The following RYR2 variants were observed in gnomAD, a reference collection of about 807,000 sequenced individuals.
RYR2 encodes the protein cardiac muscle ryanodine receptor-calcium release channel.
RYR2 carries 227 observed loss-of-function variants against 601.1 expected under a neutral mutation model. That is an observed-to-expected ratio of 0.38 (90% CI 0.34 to 0.42). The LOEUF (loss-of-function observed/expected upper bound fraction) is 0.42. Among genes scored for constraint, RYR2 ranks in the 10% least tolerant of loss-of-function variants. The probability of loss-of-function intolerance (pLI) is 1.00; values close to 1 mark genes in which losing one functional copy is unlikely to be tolerated. For synonymous variants in RYR2, 2,223 were observed against 2,175.1 expected (o/e 1.02, Z -0.61); for missense variants, 4,646 against 6,156.5 (o/e 0.75, Z 8.21).
At chr1:237,186,902 C>T (rs1308724038) in intron 1 of RYR2, among the ~76,000 whole-genome samples, 2 of 152,226 alleles carry the variant, frequency 1.3e-5, no homozygotes, top group Non-Finnish European at 2.9e-5. Flanking sequence ...CATTGAGCAG[C>T]CTCCAGAGAG....
Position 237,820,625 on chromosome 1 carries a change from A to G in RYR2, c.14590+1433A>G, listed in dbSNP as rs1284211906. Reference sequence around the variant, plus strand: ...TTTGGGAAGGCAGCAAGCTAGCTGCACAAGTTTTTTTCATATACCAGTGGC... The same window carrying G: ...TTTGGGAAGGCAGCAAGCTAGCTGCGCAAGTTTTTTTCATATACCAGTGGC... On this transcript the variant is annotated intron_variant, in intron 101 of 104. Transcript: ENST00000366574. Among the ~76,000 whole-genome samples the G allele has an allele frequency of 2.0e-5, 3 of 152,320 alleles. No individual in the cohort carries two copies. The East Asian group carries it at 5.8e-4, about 29-fold the overall frequency.
intron 1 of RYR2, among the ~76,000 whole-genome samples, chr1:237,133,864 G>T (rs1366408056): frequency 7.1e-6 from 1 of 141,610 alleles, no homozygotes; most frequent in Non-Finnish European, 1.5e-5. Flanking sequence ...GATGGAGGTT[G>T]CAGTGAGCCG....
At chr1:237,343,885 G>A (rs1698058825) in intron 3 of RYR2, among the ~76,000 whole-genome samples, 1 of 151,072 alleles carries the variant, frequency 6.6e-6, no homozygotes, top group Non-Finnish European at 1.5e-5. Context: ...CTATGGCATG[G>A]TCTTGGCTCA....
chr1:237,626,580 C>CTTTTTTTTTTTTTTTTTTTTT lies in RYR2; in HGVS notation c.6166+787_6166+807dup, dbSNP rs60885998. 7.5e-4 allele frequency among the ~76,000 whole-genome samples: 30 copies of CTTTTTTTTTTTTTTTTTTTTT among 40,068 alleles called. 4 individuals carry two copies. Among genetic ancestry groups the CTTTTTTTTTTTTTTTTTTTTT allele is most frequent in the East Asian group, 2.1e-3 (2 of 974 alleles). The allele number at this position is 40,068 out of a possible 152,430, so 26.3% of individuals were successfully genotyped here. On this transcript the variant is annotated intron_variant, in intron 40 of 104. Transcript: ENST00000366574. ...TTCTTTTCTTTTTCTTTTTCTTTTT[C>CTTTTTTTTTTTTTTTTTTTTT]TTTTTTTTTTTTTTTTTTTTTTTTT...
At chr1:237,769,372 T>TATCA (rs1694090849) in intron 84 of RYR2, among the ~76,000 whole-genome samples, 1 of 152,206 alleles carries the variant, frequency 6.6e-6, no homozygotes. Flanking sequence ...GGAATGGACT[T>TATCA]ATCAGCCAAT....
chr1:237,321,189 A>G (rs188881821), intron 2 of RYR2, among the ~76,000 whole-genome samples: 2 of 151,576 alleles, frequency 1.3e-5, no homozygotes, highest in African/African-American at 2.4e-5. Flanking sequence ...TACTTATTTC[A>G]TGATGAGAAT....
At chr1:237,558,282 T>A (rs12067971) in intron 27 of RYR2, among the ~76,000 whole-genome samples, 27,902 of 152,190 alleles carry the variant, frequency 0.18, 2,868 homozygotes, top group Admixed American at 0.28. Flanking sequence ...TGTCTTCAGG[T>A]TGAAATAGAA....
intron 48 of RYR2, among the ~76,000 whole-genome samples, chr1:237,644,861 A>G (rs1681960397): frequency 6.6e-6 from 1 of 151,952 alleles, no homozygotes; most frequent in Non-Finnish European, 1.5e-5. Flanking sequence ...GCAAAACCCC[A>G]TCTCTACTAA....
intron 3 of RYR2, among the ~76,000 whole-genome samples, chr1:237,338,222 A>C (rs185536612): frequency 6.6e-6 from 1 of 152,302 alleles, no homozygotes; most frequent in East Asian, 1.9e-4. Flanking sequence ...TTGAAAAATG[A>C]CTGAAAAGTC....
chr1:237,250,513 C>T (rs777048995), intron 1 of RYR2, among the ~76,000 whole-genome samples: 6 of 152,172 alleles, frequency 3.9e-5, no homozygotes, highest in Non-Finnish European at 7.4e-5. Flanking sequence ...GTCTTGTCCT[C>T]GTGTCTAATC....
Position 237,660,918 on chromosome 1 carries a change from C to T in RYR2, c.8407C>T (p.Arg2803Trp), listed in dbSNP as rs754674622. The T allele has an allele frequency of 2.3e-5, 34 of 1,467,802 alleles. No homozygotes were observed. Among genetic ancestry groups the T allele is most frequent in the South Asian group, 4.6e-5 (3 of 65,186 alleles). The allele number at this position is 1,467,802 out of a possible 1,614,324, so 90.9% of individuals were successfully genotyped here. Residue 2803 changes from arginine (R) to tryptophan (W), a missense_variant, in exon 56 of 105, where the codon CGG becomes TGG. Around this residue, in one of 17 missense-constraint regions of RYR2, gnomAD observed 1,497 missense variants for 1,842.6 expected, o/e 0.81. Coordinates refer to ENST00000366574, the MANE Select transcript of RYR2 (RefSeq NM_001035.3). ...GGGAGACAGCATGGCCCTTTACAAC[C>T]GGACTCGTCGTATTTCTCAGACAAG... ...REGDSMALYNRTRRISQTSQV... is the reference protein window; with the variant it reads ...REGDSMALYNWTRRISQTSQV...
intron 73 of RYR2, among the ~76,000 whole-genome samples, chr1:237,721,318 T>G (rs545884358): frequency 6.6e-6 from 1 of 152,180 alleles, no homozygotes; most frequent in African/African-American, 2.4e-5. Context: ...TCTTTACAAA[T>G]CATTTATCCC....
At chr1:237,373,041 G>GA (rs1700761963) in intron 6 of RYR2, among the ~76,000 whole-genome samples, 1 of 152,112 alleles carries the variant, frequency 6.6e-6, no homozygotes, top group African/African-American at 2.4e-5. Flanking sequence ...ACTTGTTATT[G>GA]AAAAAATTAC....
chr1:237,498,039 A>G (rs1205754985), intron 20 of RYR2, among the ~76,000 whole-genome samples: 3 of 151,762 alleles, frequency 2.0e-5, no homozygotes, highest in African/African-American at 7.2e-5. Context: ...ATTTTTATAT[A>G]TATTTTAGTA....
Position 237,500,538 on chromosome 1 carries a change from A to AT in RYR2, c.2204-166dup, listed in dbSNP as rs911455908. Among the ~76,000 whole-genome samples the AT allele has an allele frequency of 7.2e-5, 11 of 152,194 alleles. No homozygotes were observed. The East Asian group carries it at 1.7e-3, about 24-fold the overall frequency. ...GCCTGACTCCTGAAATAATCTTTTT[A>AT]TTTTTTTGACAAAGAGTTTAACATG... On this transcript the variant is annotated intron_variant, in intron 20 of 104. Transcript: ENST00000366574.
intron 19 of RYR2, among the ~76,000 whole-genome samples, chr1:237,493,741 T>C (rs547368780): frequency 5.3e-4 from 81 of 152,342 alleles, no homozygotes; most frequent in Middle Eastern, 6.8e-3. Context: ...CGTGAGCCAC[T>C]GCGCCCAGCC....
chr1:237,117,873 G>A (rs545654191), intron 1 of RYR2, among the ~76,000 whole-genome samples: 2 of 152,174 alleles, frequency 1.3e-5, no homozygotes, highest in South Asian at 2.1e-4. Context: ...AGCCTCCCAA[G>A]TAGCTGGGTT....
chr1:237,212,678 C>T (rs1206873233), intron 1 of RYR2, among the ~76,000 whole-genome samples: 1 of 152,138 alleles, frequency 6.6e-6, no homozygotes. Context: ...TATTTGGAAA[C>T]ATTTTGCCAA....
chr1:237,387,506 A>C, intron 9 of RYR2, 126 bp downstream of exon 9: 1 of 770,470 alleles, frequency 1.3e-6, no homozygotes, highest in Non-Finnish European at 2.1e-6. Context: ...TCTGTAATGC[A>C]GATACCTGAC....
Sources: gnomAD v4.1 joint callset for allele counts (sites outside exome capture counted in the v4.1 genomes callset) on GRCh38, gnomAD v4.1.1 for gene constraint, gnomAD v4.1.1 regional missense constraint, MANE v1.5 for transcripts, NCBI Gene and HGNC (gene_info 2026-07-23, HGNC 2026-07-21) for gene names.